ARHGEF16: variants seen among roughly 807,000 people sequenced by gnomAD.
ARHGEF16 encodes the protein Rho guanine nucleotide exchange factor 16, also known as Rho guanine exchange factor (GEF) 16.
In ARHGEF16, 59 loss-of-function variants were observed where a neutral mutation model predicts 74.1. The ratio of observed to expected loss-of-function variants is 0.80; its 90% CI spans 0.65 to 0.99. The LOEUF is 0.99. ARHGEF16 is among the 50% of genes least tolerant of loss of function. The pLI is 0.00. For missense variants in ARHGEF16, 948 were observed against 986.6 expected (o/e 0.96, Z 0.52); for synonymous variants, 415 against 412.6 (o/e 1.01, Z -0.07).
chr1:3,472,093 A>T (rs1639741655), intron 6 of ARHGEF16, among the ~76,000 whole-genome samples: 1 of 152,192 alleles, frequency 6.6e-6, no homozygotes, highest in African/African-American at 2.4e-5. Flanking sequence ...GCCCACCTCC[A>T]CGCTGGGTAA....
At position 3,476,641 on chromosome 1, in the gene ARHGEF16, C is replaced by T. The variant is rs541360354; in HGVS notation, c.1473+579C>T. ...CACCCACGATCCCACACACTGGCCG[C>T]ATCCTCTGTTGTCCTGGGACAGCCC... On this transcript the variant is annotated intron_variant, in intron 10 of 14. Coordinates refer to ENST00000378378, the MANE Select transcript of ARHGEF16 (RefSeq NM_014448.4). Among the ~76,000 whole-genome samples, 70 of 152,262 alleles carry T rather than the reference C, an allele frequency of 4.6e-4. 1 individual carries two copies. The highest frequency in any genetic ancestry group is 7.6e-4 in the Non-Finnish European group (52 of 67,998).
chr1:3,462,428 C>G (rs3806165), intron 1 of ARHGEF16, among the ~76,000 whole-genome samples: 2 of 152,312 alleles, frequency 1.3e-5, no homozygotes, highest in South Asian at 4.1e-4. Context: ...GGGCTCGGGC[C>G]GGGAGCATGT....
At chr1:3,472,913 G>T in intron 6 of ARHGEF16, 165 bp from the exon 7 acceptor site, 1 of 158,458 alleles carries the variant, frequency 6.3e-6, no homozygotes, top group Non-Finnish European at 1.2e-5. Flanking sequence ...TCCCAGGTCC[G>T]GGTCCCGCCC....
At chr1:3,466,256 A>C in intron 3 of ARHGEF16, 63 bp downstream of exon 3, 1 of 1,481,566 alleles carries the variant, frequency 6.7e-7, no homozygotes, top group Admixed American at 2.6e-5. Flanking sequence ...TCACTGGGGC[A>C]CCCTGGGGTT....
At chr1:3,478,165 C>T in intron 11 of ARHGEF16, 139 bp downstream of exon 11, 2 of 1,221,464 alleles carry the variant, frequency 1.6e-6, no homozygotes, top group South Asian at 2.9e-5. Context: ...TCGGCACATG[C>T]TCTACGTGAC....
At chr1:3,478,374 T>A in intron 11 of ARHGEF16, 50 bp from the exon 12 acceptor site, 1 of 1,531,350 alleles carries the variant, frequency 6.5e-7, no homozygotes, top group Non-Finnish European at 8.8e-7. Context: ...CCAGCAGCAC[T>A]GGGTAGGAGC....
rs1237685785 is a variant in ARHGEF16 at position 3,480,961 on chromosome 1, C to T, written c.*374C>T. 8.4e-6 allele frequency: 2 copies of T among 238,562 alleles called. No individual in the cohort carries two copies. The highest frequency in any genetic ancestry group is 2.0e-4 in the East Asian group (2 of 10,080). 14.8% of individuals were successfully genotyped at this position (238,562 alleles called of 1,614,324 possible). ...TATTGGGGGCAATGCGAGGTCTCCTCCTATGCCCTTCCTACCCCTGAGTGG... is the reference window on the plus strand; with the variant it reads ...TATTGGGGGCAATGCGAGGTCTCCTTCTATGCCCTTCCTACCCCTGAGTGG... On this transcript the variant is annotated 3_prime_UTR_variant, in exon 15 of 15. Transcript: ENST00000378378.
At chr1:3,463,024 G>C in intron 1 of ARHGEF16, 42 bp from the exon 2 acceptor site, 2 of 1,375,904 alleles carry the variant, frequency 1.5e-6, no homozygotes, top group Non-Finnish European at 1.9e-6. Flanking sequence ...CGGGGGCAGG[G>C]GAGAGCAGCC....
At chr1:3,470,829 G>A (rs918762744) in intron 6 of ARHGEF16, among the ~76,000 whole-genome samples, 3 of 141,828 alleles carry the variant, frequency 2.1e-5, no homozygotes, top group Non-Finnish European at 4.6e-5. Context: ...TGTGTGTGTG[G>A]GCAGGGGTGT....
At chr1:3,474,869 G>A (rs1359080293) in intron 9 of ARHGEF16, 87 bp downstream of exon 9, 2 of 1,253,570 alleles carry the variant, frequency 1.6e-6, no homozygotes, top group Non-Finnish European at 2.3e-6. Context: ...ATGGCATAGG[G>A]CTGGCTTCCC....
Position 3,477,800 on chromosome 1 carries a change from G to A in ARHGEF16, c.1474-75G>A, listed in dbSNP as rs572997623. 6 of 1,444,836 alleles carry A rather than the reference G, an allele frequency of 4.2e-6. No individual in the cohort carries two copies. In the Admixed American group the frequency reaches 1.0e-4, roughly 25 times the overall value. 89.5% of individuals were successfully genotyped at this position (1,444,836 alleles called of 1,614,324 possible). On this transcript the variant is annotated intron_variant, in intron 10 of 14. Coordinates refer to ENST00000378378, the MANE Select transcript of ARHGEF16 (RefSeq NM_014448.4). The stretch of plus-strand genomic sequence containing the variant: ...TGGTGCTATGCGTCCTTGACCCCCT[G>A]GGGACCTGCTCACCCCGGCTCTGTC...
intron 1 of ARHGEF16, among the ~76,000 whole-genome samples, chr1:3,458,554 G>A (rs1471554650): frequency 6.6e-6 from 1 of 152,256 alleles, no homozygotes; most frequent in Non-Finnish European, 1.5e-5. Context: ...GCATGGGGCT[G>A]GGGGTCCCAT....
intron 10 of ARHGEF16, among the ~76,000 whole-genome samples, 189 bp from the exon 11 acceptor site, chr1:3,477,686 C>T (rs10909948): frequency 0.74 from 111,798 of 151,828 alleles, 43,958 homozygotes; most frequent in South Asian, 0.87. Flanking sequence ...GATTTGAGGC[C>T]CGGACACATT....
intron 4 of ARHGEF16, among the ~76,000 whole-genome samples, chr1:3,467,759 G>A (rs1472392816): frequency 2.0e-5 from 3 of 152,142 alleles, no homozygotes; most frequent in East Asian, 1.9e-4. Context: ...TTGGGGGCCC[G>A]TCCCTGCCCT....
chr1:3,469,539 T>G lies in ARHGEF16; in HGVS notation c.968T>G (p.Met323Arg). ...SKELRATVTQMEHHHLFSNIL... is the reference protein window; with the variant it reads ...SKELRATVTQREHHHLFSNIL... ...GAGCTGCGGGCGACCGTGACCCAGA[T>G]GGAGCACCACCACCTCTTCTCCAAC... is the stretch of plus-strand genomic sequence containing the variant. The change falls in exon 6 of 15, where the codon ATG (methionine) becomes AGG (arginine). Residue 323 changes from methionine to arginine, a missense_variant. Coordinates refer to ENST00000378378, the MANE Select transcript of ARHGEF16 (RefSeq NM_014448.4). 3 of 1,613,080 alleles carry G rather than the reference T, an allele frequency of 1.9e-6. No homozygotes were observed. Among genetic ancestry groups the G allele is most frequent in the Non-Finnish European group, 2.5e-6 (3 of 1,179,962 alleles).
rs1639960573 is a variant in ARHGEF16 at position 3,478,529 on chromosome 1, C to T, written c.1731C>T (p.Ser577=). 1 of 1,612,682 alleles carries T rather than the reference C, an allele frequency of 6.2e-7. No homozygotes were observed. Among genetic ancestry groups the T allele is most frequent in the Non-Finnish European group, 8.5e-7 (1 of 1,179,878 alleles). Residue 577 remains serine (S), a synonymous_variant, in exon 12 of 15, where the codon TCC becomes TCT. Transcript: ENST00000378378. ...TGCCCGGGGGCGGCAACCGTAGCTC[C>T]TCCGTGCCCCACCCCTTCCAGGTGA... The part of the protein sequence containing the change: ...LPLPGGGNRS[S]SVPHPFQVTL...
chr1:3,477,970 G>T lies in ARHGEF16; in HGVS notation c.1569G>T (p.Arg523=), dbSNP rs1157591283. The T allele has an allele frequency of 6.2e-7, 1 of 1,612,578 alleles. No individual in the cohort carries two copies. Among genetic ancestry groups the T allele is most frequent in the African/African-American group, 1.3e-5 (1 of 74,930 alleles). ...ETGLFRKIAS[R]PTCYLFLFND... ...GACTTTTTCGAAAAATTGCCAGCCGGCCAACGTGCTACCTTTTCCTGTTCA... is the reference window on the plus strand; with the variant it reads ...GACTTTTTCGAAAAATTGCCAGCCGTCCAACGTGCTACCTTTTCCTGTTCA... The change falls in exon 11 of 15, where the codon CGG becomes CGT. Residue 523 remains arginine (R), a synonymous_variant. Transcript: ENST00000378378.
intron 11 of ARHGEF16, 30 bp from the exon 12 acceptor site, chr1:3,478,392 GAC>G (rs748091996): frequency 6.4e-7 from 1 of 1,562,910 alleles, no homozygotes; most frequent in Non-Finnish European, 8.7e-7. Context: ...AGCTGGGTGG[GAC>G]CGTCCCACCG....
rs748423466 is a variant in ARHGEF16, at chr1:3,469,483, C to T, written c.912C>T (p.Ser304=). Residue 304 remains serine, a synonymous_variant, in exon 6 of 15, where the codon AGC becomes AGT. Transcript: ENST00000378378. ...AGTTCTCCTACCAGCACAGCCTGAG[C>T]ATCCTGGTGGAGGAGTTCCTGCAGT... ...TSEFSYQHSL[S]ILVEEFLQSK... The T allele has an allele frequency of 6.8e-6, 11 of 1,613,222 alleles. No individual in the cohort carries two copies. The highest frequency in any genetic ancestry group is 1.6e-4 in the Middle Eastern group (1 of 6,062).
Sources: allele counts gnomAD v4.1 joint callset (sites outside exome capture counted in the v4.1 genomes callset), GRCh38; gene constraint gnomAD v4.1.1; transcripts MANE v1.5; gene names NCBI Gene and HGNC (gene_info 2026-07-23, HGNC 2026-07-21).